Variants in FAAP20 observed in about 807,000 individuals in gnomAD.
FAAP20 encodes Fanconi anemia core complex-associated protein 20.
FAAP20 carries 12 observed loss-of-function variants against 16.2 expected under a neutral mutation model. That is an observed-to-expected ratio of 0.74 (90% CI 0.48 to 1.20). The LOEUF (loss-of-function observed/expected upper bound fraction) is 1.20, where lower values mean the gene tolerates loss of function less well. FAAP20 is among the 50% of genes most tolerant of loss of function. The pLI, the probability that FAAP20 is intolerant of heterozygous loss-of-function variation, is 0.00. For synonymous variants in FAAP20, 141 were observed against 110.7 expected, an observed-to-expected ratio of 1.27 and a Z score of -1.72; for missense variants, 288 against 245.8, an observed-to-expected ratio of 1.17 and a Z score of -1.15.
chr1:2,200,436 G>C (rs1269271220), upstream of FAAP20: 1 of 160,194 alleles, frequency 6.2e-6, no homozygotes, highest in Non-Finnish European at 1.3e-5. Flanking sequence ...TGGACACAGA[G>C]ACACAGGAAG....
upstream of FAAP20, chr1:2,198,249 T>C: frequency 8.9e-7 from 1 of 1,118,762 alleles, no homozygotes. Context: ...GCTGTGGGAG[T>C]TTGCATCCCA....
At chr1:2,199,074 C>T (rs552064373), upstream of FAAP20, 72 of 1,201,284 alleles carry the variant, frequency 6.0e-5, no homozygotes, top group African/African-American at 9.8e-4. This position sits in a 1 kb window ranked among gnomAD's most constrained non-coding sequence, Gnocchi z 4.5. Flanking sequence ...TGGCACAGGC[C>T]TGCCCCTGAC....
At chr1:2,185,187 C>T (rs553727436), downstream of FAAP20, 1 of 718,560 alleles carries the variant, frequency 1.4e-6, no homozygotes, top group South Asian at 1.6e-5. Flanking sequence ...GTCCCTCACA[C>T]CTGGGCCCGG....
At chr1:2,207,511 A>G (rs1195778917), downstream of FAAP20, 1 of 152,078 alleles carries the variant, frequency 6.6e-6, no homozygotes, top group Non-Finnish European at 1.5e-5. Flanking sequence ...CCCGTCGCCC[A>G]CTCGGCATCG....
rs1190087216 is a variant in FAAP20, at chr1:2,193,597, A to C, written c.470+42T>G. 5.1e-6 allele frequency: 8 copies of C among 1,575,608 alleles called. No homozygotes were observed. In the East Asian group the frequency reaches 1.8e-4, roughly 35 times the overall value. ...TTCTGAACGGCTGTGGTTTCCAAAC[A>C]CGGATGGATAACCGGGCCGGGCGCA... On this transcript the variant is annotated intron_variant, in intron 3 of 3. Transcript: ENST00000378546.
At position 2,194,672 on chromosome 1, in the gene FAAP20, C is replaced by T; in HGVS notation, c.62+16G>A. On this transcript the variant is annotated intron_variant, in intron 1 of 3. Coordinates refer to ENST00000378546, the MANE Select transcript of FAAP20 (RefSeq NM_182533.4). ...CGGGAAAACCGGCCGCGCCCCCGCC[C>T]GGCTCCCGGCCTCACCCGCCCGCCG... The T allele has an allele frequency of 1.8e-6, 2 of 1,136,770 alleles. No homozygotes were observed. Among genetic ancestry groups the T allele is most frequent in the African/African-American group, 3.3e-5 (2 of 60,580 alleles). The allele number at this position is 1,136,770 out of a possible 1,614,324, so 70.4% of individuals were successfully genotyped here.
downstream of FAAP20, among the ~76,000 whole-genome samples, chr1:2,208,772 G>A (rs1316802860): frequency 6.6e-6 from 1 of 152,244 alleles, no homozygotes; most frequent in Admixed American, 6.5e-5. Flanking sequence ...GCCGGGCCAG[G>A]CGAGAGCCCT....
At chr1:2,203,719 T>C, upstream of FAAP20, 1 of 904,310 alleles carries the variant, frequency 1.1e-6, no homozygotes, top group Non-Finnish European at 1.3e-6. Context: ...TGAGCGGTCC[T>C]GGAGCCTGGC....
chr1:2,207,908 CCGTGTGTG>C (rs1689320465), downstream of FAAP20, among the ~76,000 whole-genome samples: 1 of 68,684 alleles, frequency 1.5e-5, no homozygotes, highest in African/African-American at 7.2e-5. Flanking sequence ...TTGGTAACAC[CCGTGTGTG>C]TGTGTGTGTG....
Position 2,189,664 on chromosome 1 carries a change from A to AGAGGCGGGGCTGCTGGCGGGGGAGG in FAAP20, c.*44_*45insCCTCCCCCGCCAGCAGCCCCGCCTC. On this transcript the variant is annotated 3_prime_UTR_variant, in exon 4 of 4. Transcript: ENST00000378546. ...AGAGGCGGGGCTGCTGGCGGGGGAG[A>AGAGGCGGGGCTGCTGGCGGGGGAGG]GCGTGTCCGGGCGCCGCACTCTGCG... 2 of 1,514,852 alleles carry AGAGGCGGGGCTGCTGGCGGGGGAGG rather than the reference A, an allele frequency of 1.3e-6. No homozygotes were observed. The highest frequency in any genetic ancestry group is 9.1e-7 in the Non-Finnish European group (1 of 1,100,804). The allele number at this position is 1,514,852 out of a possible 1,614,324, so 93.8% of individuals were successfully genotyped here. A position where few individuals can be genotyped will look rare whatever the true frequency, so the allele number is the denominator to read the frequency against.
chr1:2,199,986 G>A (rs947634695), upstream of FAAP20: 1 of 152,018 alleles, frequency 6.6e-6, no homozygotes, highest in African/African-American at 2.4e-5. The surrounding 1 kb of genome is among the most constrained non-coding windows in gnomAD (Gnocchi z 4.5). Context: ...GGCTGAGGCA[G>A]GAGAATCGCT....
chr1:2,192,219 A>G (rs1349934220), intron 3 of FAAP20: 1 of 986,024 alleles, frequency 1.0e-6, no homozygotes, highest in Non-Finnish European at 1.2e-6. Context: ...TTGTTCCCAA[A>G]GATATGGGGC....
At chr1:2,210,337 C>T (rs1467560972), downstream of FAAP20, among the ~76,000 whole-genome samples, 5 of 152,230 alleles carry the variant, frequency 3.3e-5, no homozygotes, top group South Asian at 4.1e-4. Context: ...TTTTCCCATC[C>T]GGGTGCTGGC....
At chr1:2,211,214 T>TTTTC (rs1336522522), downstream of FAAP20, among the ~76,000 whole-genome samples, 2 of 145,666 alleles carry the variant, frequency 1.4e-5, no homozygotes, top group Non-Finnish European at 3.0e-5. Context: ...TTTCTTTTCT[T>TTTTC]TTTCTTTCTT....
At chr1:2,194,848 C>T (rs1420993088), upstream of FAAP20, 3 of 1,016,722 alleles carry the variant, frequency 3.0e-6, no homozygotes, top group Non-Finnish European at 3.6e-6. Context: ...GCAGCGAGGC[C>T]GCCCCCCTCC....
At chr1:2,203,072 A>G (rs1282169035), upstream of FAAP20, among the ~76,000 whole-genome samples, 6 of 152,044 alleles carry the variant, frequency 3.9e-5, no homozygotes, top group Non-Finnish European at 8.8e-5. Flanking sequence ...TCACCCTCCC[A>G]TCCCCCTTCT....
chr1:2,200,395 CAAA>C (rs765418052), upstream of FAAP20: 8 of 104,044 alleles, frequency 7.7e-5, no homozygotes, highest in South Asian at 3.2e-4. Flanking sequence ...AACTCTATCT[CAAA>C]AAAAAAAAAA....
downstream of FAAP20, among the ~76,000 whole-genome samples, chr1:2,188,934 G>A (rs935538982): frequency 6.6e-6 from 1 of 151,582 alleles, no homozygotes; most frequent in African/African-American, 2.4e-5. Flanking sequence ...GAACCCGGGA[G>A]GCGGAGCTTG....
At chr1:2,201,738 C>A (rs1689057093), upstream of FAAP20, among the ~76,000 whole-genome samples, 2 of 150,538 alleles carry the variant, frequency 1.3e-5, no homozygotes, top group African/African-American at 2.5e-5. Flanking sequence ...AACAAAAAGT[C>A]TGGGCGCGGT....
Sources: allele counts gnomAD v4.1 joint callset (sites outside exome capture counted in the v4.1 genomes callset), GRCh38; gene constraint gnomAD v4.1.1; non-coding constraint Gnocchi (gnomAD v3.1); transcripts MANE v1.5; gene names NCBI Gene and HGNC (gene_info 2026-07-23, HGNC 2026-07-21).